The following TMEM200A variants were observed in gnomAD, a reference collection of about 807,000 sequenced individuals.
The protein encoded by TMEM200A is transmembrane protein 200A, also known as two transmembrane C.
Under a neutral mutation model 24.3 loss-of-function variants are expected in TMEM200A, and 12 were observed. The ratio of observed to expected loss-of-function variants is 0.49; its 90% CI spans 0.32 to 0.80. TMEM200A has a LOEUF of 0.80. Ranked by LOEUF, TMEM200A falls within the 30% of genes least tolerant of loss-of-function variation. The pLI, the probability that TMEM200A is intolerant of heterozygous loss-of-function variation, is 0.04. For synonymous variants in TMEM200A, 224 were observed against 224.4 expected, an observed-to-expected ratio of 1.00 and a Z score of 0.02; for missense variants, 545 against 614.4, an observed-to-expected ratio of 0.89 and a Z score of 1.19.
intron 2 of TMEM200A, among the ~76,000 whole-genome samples, chr6:130,422,227 T>C (rs905556736): frequency 6.6e-6 from 1 of 152,154 alleles, no homozygotes; most frequent in African/African-American, 2.4e-5. Context: ...TTTGTCTTTT[T>C]GGTAATAACC....
At chr6:130,389,618 A>G (rs1778790211) in intron 2 of TMEM200A, among the ~76,000 whole-genome samples, 1 of 152,066 alleles carries the variant, frequency 6.6e-6, no homozygotes, top group Admixed American at 6.5e-5. Context: ...TAGATACATA[A>G]TATCACAGGC....
intron 1 of TMEM200A, among the ~76,000 whole-genome samples, chr6:130,378,378 GAAC>G (rs1778512622): frequency 6.6e-6 from 1 of 151,924 alleles, no homozygotes; most frequent in African/African-American, 2.4e-5. Context: ...GATAGGGCCT[GAAC>G]TCAAATTCAA....
chr6:130,384,553 C>G (rs1778669829), intron 1 of TMEM200A, among the ~76,000 whole-genome samples: 1 of 152,120 alleles, frequency 6.6e-6, no homozygotes, highest in Admixed American at 6.6e-5. Context: ...CTCAAGGGAT[C>G]CTCCTACCTT....
intron 2 of TMEM200A, among the ~76,000 whole-genome samples, chr6:130,411,881 G>T (rs1012508366): frequency 1.1e-4 from 16 of 152,136 alleles, no homozygotes; most frequent in Non-Finnish European, 2.9e-5. Flanking sequence ...ACTGTTTTTT[G>T]TAAGGGGGTA....
chr6:130,369,827 T>C (rs1778275596), intron 1 of TMEM200A, among the ~76,000 whole-genome samples: 1 of 152,174 alleles, frequency 6.6e-6, no homozygotes, highest in South Asian at 2.1e-4. Context: ...GTCTGTACAT[T>C]CCTTCCTGTA....
chr6:130,425,151 A>C (rs1779699836), intron 2 of TMEM200A, among the ~76,000 whole-genome samples: 1 of 152,172 alleles, frequency 6.6e-6, no homozygotes, highest in South Asian at 2.1e-4. Flanking sequence ...GGATTCAGTG[A>C]CAGATTCTGG....
At chr6:130,386,603 T>TC (rs1778717353) in intron 2 of TMEM200A, among the ~76,000 whole-genome samples, 1 of 152,152 alleles carries the variant, frequency 6.6e-6, no homozygotes, top group African/African-American at 2.4e-5. Flanking sequence ...ATTGTTCCAG[T>TC]CCTTACCCTT....
intron 2 of TMEM200A, among the ~76,000 whole-genome samples, chr6:130,386,425 A>C (rs918679619): frequency 2.0e-5 from 3 of 152,108 alleles, no homozygotes; most frequent in Non-Finnish European, 2.9e-5. Flanking sequence ...TTTATAAGCT[A>C]CTCTTAGAGT....
At chr6:130,420,811 C>A (rs955006646) in intron 2 of TMEM200A, among the ~76,000 whole-genome samples, 42 of 152,214 alleles carry the variant, frequency 2.8e-4, no homozygotes, top group African/African-American at 9.6e-4. Context: ...GGGACGTTTT[C>A]TCAGTGCAGG....
rs371323280 is a variant in TMEM200A at position 130,401,898 on chromosome 6, C to T, written c.-17+16662C>T. Among the ~76,000 whole-genome samples, 55 of 151,706 alleles carry T rather than the reference C, an allele frequency of 3.6e-4. 1 individual carries two copies. The highest frequency in any genetic ancestry group is 1.3e-3 in the African/African-American group (54 of 41,436). On this transcript the variant is annotated intron_variant, in intron 2 of 2. Coordinates refer to ENST00000296978, the MANE Select transcript of TMEM200A (RefSeq NM_001258277.2). ...CTTTTGTAAATTGCCTGTTTATGTC[C>T]TATTTTTCCATTTTTCTTAAACCAT...
At chr6:130,416,495 A>G (rs1779457782) in intron 2 of TMEM200A, among the ~76,000 whole-genome samples, 1 of 152,240 alleles carries the variant, frequency 6.6e-6, no homozygotes, top group East Asian at 1.9e-4. Context: ...CCAATTGCTC[A>G]AGCCAGCAAC....
intron 1 of TMEM200A, 79 bp from the exon 2 acceptor site, chr6:130,385,094 T>C (rs1290927749): frequency 6.6e-6 from 1 of 152,234 alleles, no homozygotes; most frequent in African/African-American, 2.4e-5. Context: ...TTTGATTTGT[T>C]GACATTATGC....
At chr6:130,434,831 T>G (rs759112387) in intron 2 of TMEM200A, among the ~76,000 whole-genome samples, 31 of 151,912 alleles carry the variant, frequency 2.0e-4, no homozygotes, top group Non-Finnish European at 4.4e-4. Context: ...CGGGCAAGAG[T>G]ACATCTCTCT....
At chr6:130,405,159 G>A (rs1269189370) in intron 2 of TMEM200A, among the ~76,000 whole-genome samples, 1 of 152,072 alleles carries the variant, frequency 6.6e-6, no homozygotes, top group Non-Finnish European at 1.5e-5. Context: ...GGTTCCATAT[G>A]AATTTAAAAA....
intron 2 of TMEM200A, among the ~76,000 whole-genome samples, chr6:130,425,752 T>C (rs1203081762): frequency 6.6e-6 from 1 of 152,184 alleles, no homozygotes; most frequent in East Asian, 1.9e-4. Flanking sequence ...TGATAACTAC[T>C]TTTCAGGGTT....
At chr6:130,435,716 T>C (rs967640001) in intron 2 of TMEM200A, among the ~76,000 whole-genome samples, 6 of 152,238 alleles carry the variant, frequency 3.9e-5, no homozygotes, top group African/African-American at 1.4e-4. Flanking sequence ...AAGAGACTGA[T>C]AAGCAGAAAT....
Position 130,440,711 on chromosome 6 carries a change from C to G in TMEM200A, c.289C>G (p.Leu97Val), listed in dbSNP as rs1259663227. ...ACATTTTATTGATGCTGAAACAACA[C>G]TGTCAACAAATGAAACTCAGGTCAT... ...KEHFIDAETT[L>V]STNETQVIRN... Residue 97 changes from leucine to valine, a missense_variant, in exon 3 of 3, where the codon CTG becomes GTG. Physicochemically the swap from Leu to Val is conservative, Grantham distance 32 (BLOSUM62 1). Coordinates refer to ENST00000296978, the MANE Select transcript of TMEM200A (RefSeq NM_001258277.2). 3.1e-6 allele frequency: 5 copies of G among 1,614,106 alleles called. No homozygotes were observed. Among genetic ancestry groups the G allele is most frequent in the Non-Finnish European group, 3.4e-6 (4 of 1,179,992 alleles).
In TMEM200A at chr6:130,366,694, A is replaced by T. The variant is rs560832475; in HGVS notation, c.-81+170A>T. 1.7e-6 allele frequency: 1 copy of T among 581,654 alleles called. No homozygotes were observed. Among genetic ancestry groups the T allele is most frequent in the East Asian group, 1.4e-4 (1 of 6,966 alleles). 36.0% of individuals were successfully genotyped at this position (581,654 alleles called of 1,614,324 possible). On this transcript the variant is annotated intron_variant, in intron 1 of 2. Coordinates refer to ENST00000296978, the MANE Select transcript of TMEM200A (RefSeq NM_001258277.2). This position sits in a 1 kb window ranked among gnomAD's most constrained non-coding sequence, Gnocchi z 4.4. The stretch of plus-strand genomic sequence containing the variant: ...GTTTGGGAAATAAACCAAGTCCGCC[A>T]TCAGGTCCAGACTCCCCAGTCCCGG...
intron 2 of TMEM200A, among the ~76,000 whole-genome samples, chr6:130,403,720 C>T (rs371509122): frequency 3.3e-4 from 50 of 151,878 alleles, no homozygotes; most frequent in Middle Eastern, 3.4e-3. Flanking sequence ...GGCTTATTAC[C>T]TAGATAAACT....
Sources: gnomAD v4.1 joint callset for allele counts (sites outside exome capture counted in the v4.1 genomes callset) on GRCh38, gnomAD v4.1.1 for gene constraint, Gnocchi (gnomAD v3.1) non-coding constraint, MANE v1.5 for transcripts, NCBI Gene and HGNC (gene_info 2026-07-23, HGNC 2026-07-21) for gene names.